The following CAST variants were observed in gnomAD, a reference collection of about 807,000 sequenced individuals.
CAST encodes the protein calpastatin, also known as MIR583 host.
Under a neutral mutation model 119.6 loss-of-function variants are expected in CAST, and 76 were observed. That is an observed-to-expected ratio of 0.64 (90% CI 0.53 to 0.77). CAST has a LOEUF of 0.77. Among genes scored for constraint, CAST ranks in the 30% least tolerant of loss-of-function variants. The probability of loss-of-function intolerance (pLI) is 0.00; values close to 1 mark genes in which losing one functional copy is unlikely to be tolerated. For synonymous variants in CAST, 319 were observed against 331.6 expected (o/e 0.96, Z 0.41); for missense variants, 953 against 946.5 (o/e 1.01, Z -0.09).
chr5:96,020,280 AG>A, the CAST span, among the ~76,000 whole-genome samples: 2 of 152,218 alleles, frequency 1.3e-5, no homozygotes, highest in African/African-American at 4.8e-5. Context: ...CTTCTTTTAT[AG>A]TATGGCTCTG....
the CAST span, among the ~76,000 whole-genome samples, chr5:96,257,564 C>T: frequency 7.9e-5 from 12 of 152,152 alleles, no homozygotes; most frequent in Non-Finnish European, 1.3e-4. Flanking sequence ...TTTGGTATTG[C>T]ACTCCATTCA....
At chr5:95,999,775 G>A in the CAST span, among the ~76,000 whole-genome samples, 75 of 152,244 alleles carry the variant, frequency 4.9e-4, no homozygotes, top group Non-Finnish European at 5.9e-4. Flanking sequence ...TACTTAGGGC[G>A]GAATTGCTGG....
At chr5:96,026,347 TAGAC>T in the CAST span, among the ~76,000 whole-genome samples, 4 of 152,008 alleles carry the variant, frequency 2.6e-5, no homozygotes, top group South Asian at 2.1e-4. Flanking sequence ...GAGAAGGAAA[TAGAC>T]AGGTGAGCTC....
the CAST span, among the ~76,000 whole-genome samples, chr5:96,177,442 G>A: frequency 6.6e-6 from 1 of 152,156 alleles, no homozygotes; most frequent in African/African-American, 2.4e-5. Context: ...AATTGCTGCT[G>A]ATAGTAACTG....
intron 1 of CAST, among the ~76,000 whole-genome samples, chr5:96,561,830 T>C (rs1463465206): frequency 8.1e-6 from 1 of 123,434 alleles, no homozygotes; most frequent in Non-Finnish European, 1.7e-5. Flanking sequence ...TCTCGCTCTG[T>C]CGCCCAGGCT....
At chr5:95,991,497 GTTTTTT>G in the CAST span, among the ~76,000 whole-genome samples, 6 of 64,956 alleles carry the variant, frequency 9.2e-5, no homozygotes, top group Non-Finnish European at 1.4e-4. Flanking sequence ...AACAAGTTTT[GTTTTTT>G]TTTTTTTTTT....
the CAST span, among the ~76,000 whole-genome samples, chr5:96,034,462 T>TACACACACACACACACACACAC: frequency 5.1e-4 from 52 of 101,838 alleles, 2 homozygotes; most frequent in Admixed American, 3.3e-3. Flanking sequence ...GTATATATCA[T>TACACACACACACACACACACAC]ACACACACAC....
At chr5:96,173,042 T>C in the CAST span, among the ~76,000 whole-genome samples, 1 of 152,220 alleles carries the variant, frequency 6.6e-6, no homozygotes. Context: ...AAGTCCATGT[T>C]GCATATGGGT....
chr5:96,499,949 T>C, the CAST span, among the ~76,000 whole-genome samples: 1 of 152,114 alleles, frequency 6.6e-6, no homozygotes, highest in African/African-American at 2.4e-5. Flanking sequence ...GTTGGGATAT[T>C]AACTGGCCTA....
At chr5:96,376,064 TTTTTC>T in the CAST span, among the ~76,000 whole-genome samples, 15 of 151,426 alleles carry the variant, frequency 9.9e-5, no homozygotes, top group African/African-American at 2.4e-4. Flanking sequence ...TACTCATTTT[TTTTTC>T]TTTTCTTTTC....
chr5:96,749,777 C>G (rs1581258902), intron 19 of CAST, among the ~76,000 whole-genome samples: 1 of 152,332 alleles, frequency 6.6e-6, no homozygotes, highest in East Asian at 1.9e-4. Context: ...AACTCCTGGA[C>G]TCCAGTGATC....
At chr5:96,328,101 C>A in the CAST span, among the ~76,000 whole-genome samples, 33 of 152,290 alleles carry the variant, frequency 2.2e-4, no homozygotes, top group Admixed American at 1.5e-3. Flanking sequence ...TTGCTGCTTT[C>A]ATTCTTGTGA....
At chr5:96,743,957 G>C (rs1342523375) in intron 16 of CAST, among the ~76,000 whole-genome samples, 1 of 152,150 alleles carries the variant, frequency 6.6e-6, no homozygotes, top group African/African-American at 2.4e-5. Context: ...GCTTCTTACA[G>C]ACACTTAAGG....
At chr5:95,983,235 G>A in the CAST span, among the ~76,000 whole-genome samples, 7 of 152,346 alleles carry the variant, frequency 4.6e-5, no homozygotes, top group Non-Finnish European at 8.8e-5. Context: ...GAGGGTGAGA[G>A]GGGGTAGTGA....
At chr5:96,218,744 C>T in the CAST span, among the ~76,000 whole-genome samples, 24 of 152,280 alleles carry the variant, frequency 1.6e-4, no homozygotes, top group East Asian at 5.8e-4. Context: ...ATATTTCAGA[C>T]GAGCTGGATA....
At chr5:96,556,877 C>T (rs981578183) in intron 1 of CAST, among the ~76,000 whole-genome samples, 53 of 151,768 alleles carry the variant, frequency 3.5e-4, no homozygotes, top group Non-Finnish European at 6.6e-4. Flanking sequence ...AGATACTCCT[C>T]GAGAAGAGCA....
the CAST span, among the ~76,000 whole-genome samples, chr5:96,513,102 T>C: frequency 6.6e-6 from 1 of 152,210 alleles, no homozygotes; most frequent in Non-Finnish European, 1.5e-5. Flanking sequence ...TCTCGGGTCC[T>C]GATTATCACT....
upstream of CAST, chr5:96,662,147 G>C (rs1478367390): frequency 5.2e-6 from 2 of 385,154 alleles, no homozygotes; most frequent in Non-Finnish European, 9.2e-6. Flanking sequence ...GCAGTGCTGG[G>C]GCCGGGGCGG....
chr5:96,750,189 TAAATAATAG>T (rs1225380884), intron 19 of CAST, among the ~76,000 whole-genome samples: 2 of 152,192 alleles, frequency 1.3e-5, no homozygotes, highest in Non-Finnish European at 2.9e-5. Flanking sequence ...TAATGACAAA[TAAATAATAG>T]AAATAATAGC....
Sources: gnomAD v4.1 joint callset for allele counts (sites outside exome capture counted in the v4.1 genomes callset) on GRCh38, gnomAD v4.1.1 for gene constraint, MANE v1.5 for transcripts, NCBI Gene and HGNC (gene_info 2026-07-23, HGNC 2026-07-21) for gene names.